Variants in TRAPPC9 observed in about 807,000 individuals in gnomAD.
TRAPPC9 encodes trafficking protein particle complex subunit 9.
TRAPPC9 carries 83 observed loss-of-function variants against 124.0 expected under a neutral mutation model. The observed-to-expected ratio is 0.67, with a 90% CI of 0.56 to 0.80. The LOEUF (loss-of-function observed/expected upper bound fraction) is 0.80, where lower values mean the gene tolerates loss of function less well. TRAPPC9 is among the 30% of genes least tolerant of loss of function. TRAPPC9 has a pLI of 0.00. For synonymous variants in TRAPPC9, 638 were observed against 617.5 expected (o/e 1.03, Z -0.49); for missense variants, 1,302 against 1,508.3 (o/e 0.86, Z 2.27).
chr8:140,453,745 C>A (rs994829743), intron 1 of TRAPPC9, among the ~76,000 whole-genome samples: 1 of 152,162 alleles, frequency 6.6e-6, no homozygotes, highest in Non-Finnish European at 1.5e-5. Context: ...CCTTTCCCCA[C>A]AACGATTCCC....
chr8:140,008,951 A>C (rs1838940462), intron 18 of TRAPPC9, among the ~76,000 whole-genome samples: 1 of 152,198 alleles, frequency 6.6e-6, no homozygotes, highest in South Asian at 2.1e-4. Context: ...ATTTCTTGTG[A>C]ATCTATCATT....
chr8:139,975,680 C>A (rs1836393783), intron 19 of TRAPPC9, among the ~76,000 whole-genome samples: 1 of 152,170 alleles, frequency 6.6e-6, no homozygotes, highest in Admixed American at 6.5e-5. Context: ...CCCCCACACT[C>A]CTACATTAGC....
At chr8:140,422,097 G>A (rs900267893) in intron 5 of TRAPPC9, among the ~76,000 whole-genome samples, 2 of 151,574 alleles carry the variant, frequency 1.3e-5, no homozygotes, top group Admixed American at 6.6e-5. Flanking sequence ...GATAAATCCT[G>A]GGTGCAAACT....
intron 7 of TRAPPC9, among the ~76,000 whole-genome samples, chr8:140,395,957 G>A (rs1413612067): frequency 3.3e-5 from 5 of 151,870 alleles, no homozygotes; most frequent in East Asian, 1.9e-4. Context: ...CCCTTTCCAC[G>A]TAGACTCCCA....
chr8:140,302,087 C>T (rs899311392), intron 10 of TRAPPC9, among the ~76,000 whole-genome samples: 1 of 152,224 alleles, frequency 6.6e-6, no homozygotes, highest in Admixed American at 6.5e-5. Context: ...CACCACCTCT[C>T]TCAGTGAGGA....
chr8:139,963,761 A>C (rs1587354562), intron 19 of TRAPPC9, among the ~76,000 whole-genome samples: 1 of 63,022 alleles, frequency 1.6e-5, no homozygotes, highest in Non-Finnish European at 5.2e-5. Context: ...AAAAAAAAAA[A>C]AAAAAAAAAA....
chr8:139,789,480 G>A (rs916353077), intron 21 of TRAPPC9, among the ~76,000 whole-genome samples: 3 of 152,110 alleles, frequency 2.0e-5, no homozygotes, highest in African/African-American at 4.8e-5. Flanking sequence ...TCCCCCCCCA[G>A]GATATCTACA....
intron 8 of TRAPPC9, among the ~76,000 whole-genome samples, chr8:140,368,935 G>T (rs1234693798): frequency 6.6e-6 from 1 of 152,128 alleles, no homozygotes. Flanking sequence ...CTCAGCCAGG[G>T]ATTTCGCAAA....
chr8:140,028,140 CTTATATA>C (rs1390631037), intron 17 of TRAPPC9, among the ~76,000 whole-genome samples: 1 of 151,700 alleles, frequency 6.6e-6, no homozygotes, highest in Admixed American at 6.6e-5. Context: ...TATATAAGGT[CTTATATA>C]TTATATATAT....
intron 17 of TRAPPC9, among the ~76,000 whole-genome samples, chr8:140,084,778 G>A (rs1844079928): frequency 6.6e-6 from 1 of 152,198 alleles, no homozygotes; most frequent in Non-Finnish European, 1.5e-5. Context: ...AACCTCAAAG[G>A]GTAGGATAAG....
chr8:140,190,319 G>A (rs56685352), intron 17 of TRAPPC9, among the ~76,000 whole-genome samples: 27,316 of 151,842 alleles, frequency 0.18, 3,206 homozygotes, highest in East Asian at 0.63. Context: ...TTAGCCAGGC[G>A]TCATGGCAGG....
intron 12 of TRAPPC9, among the ~76,000 whole-genome samples, chr8:140,290,153 C>T (rs1364086863): frequency 2.0e-5 from 3 of 152,190 alleles, no homozygotes; most frequent in Non-Finnish European, 4.4e-5. Context: ...AGGGCCTGAC[C>T]ATCTCTGTCC....
At chr8:140,190,071 T>C (rs1449047776) in intron 17 of TRAPPC9, among the ~76,000 whole-genome samples, 7 of 152,232 alleles carry the variant, frequency 4.6e-5, no homozygotes, top group Admixed American at 4.6e-4. Context: ...AACAAGCGCC[T>C]GTTGACCACT....
At chr8:139,853,741 G>C (rs1295291039) in intron 21 of TRAPPC9, among the ~76,000 whole-genome samples, 1 of 152,178 alleles carries the variant, frequency 6.6e-6, no homozygotes, top group Non-Finnish European at 1.5e-5. Context: ...GGACTGCTGA[G>C]AGCAACATGT....
At chr8:139,996,913 T>C (rs1838035354) in intron 18 of TRAPPC9, among the ~76,000 whole-genome samples, 1 of 152,112 alleles carries the variant, frequency 6.6e-6, no homozygotes. Flanking sequence ...CTAAACATTT[T>C]TTATGGTATT....
Position 139,822,404 on chromosome 8 carries a change from GAAC to G in TRAPPC9, c.3055+63472_3055+63474del, listed in dbSNP as rs529219025. Among the ~76,000 whole-genome samples the G allele has an allele frequency of 5.3e-5, 8 of 152,320 alleles. No homozygotes were observed. The East Asian group carries it at 1.5e-3, about 29-fold the overall frequency. ...GCCCAGGTGCTCATGTGCTCCGAGA[GAAC>G]AATGCCAGGTACCAGCTACATAGGG... On this transcript the variant is annotated intron_variant, in intron 21 of 22. Coordinates refer to ENST00000438773, the MANE Select transcript of TRAPPC9 (RefSeq NM_001160372.4).
intron 6 of TRAPPC9, among the ~76,000 whole-genome samples, chr8:140,403,552 GC>G (rs2069356137): frequency 6.6e-6 from 1 of 152,094 alleles, no homozygotes; most frequent in South Asian, 2.1e-4. Context: ...AGCTGTATTG[GC>G]AAATATTTTT....
chr8:140,191,555 G>A (rs373118572), intron 17 of TRAPPC9, among the ~76,000 whole-genome samples: 4 of 152,104 alleles, frequency 2.6e-5, no homozygotes, highest in South Asian at 4.2e-4. Context: ...TCCCACTCTC[G>A]CCATGTGACA....
At chr8:139,830,994 G>A (rs922011949) in intron 21 of TRAPPC9, among the ~76,000 whole-genome samples, 16 of 152,196 alleles carry the variant, frequency 1.1e-4, no homozygotes, top group African/African-American at 3.4e-4. Context: ...AGCCTGTGCC[G>A]AATGCTCACG....
Sources: allele counts gnomAD v4.1 joint callset (sites outside exome capture counted in the v4.1 genomes callset), GRCh38; gene constraint gnomAD v4.1.1; transcripts MANE v1.5; gene names NCBI Gene and HGNC (gene_info 2026-07-23, HGNC 2026-07-21).